METTL15: variants seen among roughly 807,000 people sequenced by gnomAD.
The protein encoded by METTL15 is methyltransferase 15, mitochondrial 12S rRNA N4-cytidine, also known as 12S rRNA N(4)-cytidine methyltransferase METTL15.
In METTL15, 34 loss-of-function variants were observed where a neutral mutation model predicts 38.3. That is an observed-to-expected ratio of 0.89 (90% CI 0.68 to 1.18). The LOEUF (loss-of-function observed/expected upper bound fraction) is 1.18, where lower values mean the gene tolerates loss of function less well. METTL15 is among the 50% of genes most tolerant of loss of function. The probability of loss-of-function intolerance (pLI) is 0.00; values close to 1 mark genes in which losing one functional copy is unlikely to be tolerated. For synonymous variants in METTL15, 162 were observed against 170.9 expected (o/e 0.95, Z 0.41); for missense variants, 438 against 498.4 (o/e 0.88, Z 1.15).
In METTL15 at chr11:28,291,050, C is replaced by CTTTT. The variant is rs1313497959; in HGVS notation, c.599+667_599+670dup. Among the ~76,000 whole-genome samples the CTTTT allele has an allele frequency of 3.7e-5, 5 of 133,648 alleles. No homozygotes were observed. The East Asian group carries it at 8.7e-4, about 23-fold the overall frequency. The allele number at this position is 133,648 out of a possible 152,430, so 87.7% of individuals were successfully genotyped here. A position where few individuals can be genotyped will look rare whatever the true frequency, so the allele number is the denominator to read the frequency against. On this transcript the variant is annotated intron_variant, in intron 5 of 6. Transcript: ENST00000407364. ...AGGAAAGTGTAGAAATAATTCTTTT[C>CTTTT]TTTTTTTTTTTTTTTTTGAGACAGA...
intron 4 of METTL15, among the ~76,000 whole-genome samples, chr11:28,246,707 T>C (rs1161345456): frequency 6.6e-6 from 1 of 152,086 alleles, no homozygotes; most frequent in Non-Finnish European, 1.5e-5. Flanking sequence ...TGGTATGGGA[T>C]ACCAAACAGT....
chr11:28,464,451 C>T (rs895502167), intron 6 of METTL15, among the ~76,000 whole-genome samples: 2 of 152,076 alleles, frequency 1.3e-5, no homozygotes, highest in African/African-American at 4.8e-5. Flanking sequence ...TGGTTGTGTT[C>T]CAGTAAAATG....
intron 6 of METTL15, among the ~76,000 whole-genome samples, chr11:28,442,803 C>T (rs1021217529): frequency 6.6e-6 from 1 of 152,126 alleles, no homozygotes; most frequent in Admixed American, 6.5e-5. Flanking sequence ...TAATATCCTG[C>T]TAATTCTTAC....
chr11:28,227,247 A>G (rs962100565), intron 4 of METTL15, among the ~76,000 whole-genome samples: 6 of 151,916 alleles, frequency 3.9e-5, no homozygotes, highest in Admixed American at 3.3e-4. Flanking sequence ...ATTAAGACCT[A>G]TAGTCTGTGA....
chr11:28,160,987 T>G (rs1476832554), intron 3 of METTL15, among the ~76,000 whole-genome samples: 1 of 151,656 alleles, frequency 6.6e-6, no homozygotes, highest in African/African-American at 2.4e-5. Flanking sequence ...CACTAAAATA[T>G]CAATATAATA....
chr11:28,444,947 G>A (rs1008328273), intron 6 of METTL15, among the ~76,000 whole-genome samples: 2 of 152,136 alleles, frequency 1.3e-5, no homozygotes, highest in Non-Finnish European at 2.9e-5. Context: ...CATCAGGTGG[G>A]GCTTGCTGTA....
intron 4 of METTL15, among the ~76,000 whole-genome samples, 190 bp from the exon 5 acceptor site, chr11:28,290,016 C>T (rs1309660316): frequency 6.6e-6 from 1 of 152,120 alleles, no homozygotes; most frequent in Non-Finnish European, 1.5e-5. Context: ...TACATTAAAC[C>T]AGCTCTGGTG....
Position 28,274,866 on chromosome 11 carries a change from C to T in METTL15, c.408-15340C>T, listed in dbSNP as rs184656438. Reference sequence around the variant, plus strand: ...CGAGTTAATGGGTGCAGCACACCAACATGACACATGTATATATATGTAACA... The same window carrying T: ...CGAGTTAATGGGTGCAGCACACCAATATGACACATGTATATATATGTAACA... On this transcript the variant is annotated intron_variant, in intron 4 of 6. Transcript: ENST00000407364. Among the ~76,000 whole-genome samples, 231 of 147,272 alleles carry T rather than the reference C, an allele frequency of 1.6e-3. 1 individual carries two copies. Among genetic ancestry groups the T allele is most frequent in the Non-Finnish European group, 2.4e-3 (159 of 65,902 alleles).
chr11:28,203,255 A>G (rs1468485557), intron 3 of METTL15, among the ~76,000 whole-genome samples: 3 of 152,112 alleles, frequency 2.0e-5, no homozygotes, highest in Non-Finnish European at 2.9e-5. Context: ...ATTGGAATCT[A>G]TAACCTGTCA....
chr11:28,299,231 T>C (rs1856836436), intron 6 of METTL15, among the ~76,000 whole-genome samples: 1 of 152,116 alleles, frequency 6.6e-6, no homozygotes, highest in Admixed American at 6.6e-5. Context: ...GTCCTATAAG[T>C]TCTGGTTATA....
chr11:28,229,793 G>A (rs538582841), intron 4 of METTL15, among the ~76,000 whole-genome samples: 2 of 152,098 alleles, frequency 1.3e-5, no homozygotes, highest in Admixed American at 6.6e-5. Context: ...CTGAGACAGC[G>A]TGTCACAATT....
At chr11:28,149,137 A>C (rs1849989361) in intron 3 of METTL15, among the ~76,000 whole-genome samples, 1 of 151,634 alleles carries the variant, frequency 6.6e-6, no homozygotes, top group Admixed American at 6.6e-5. Context: ...TATTTCAAGT[A>C]GGAGCTTGGT....
At chr11:28,227,066 G>T (rs1370801009) in intron 4 of METTL15, among the ~76,000 whole-genome samples, 1 of 151,720 alleles carries the variant, frequency 6.6e-6, no homozygotes, top group East Asian at 1.9e-4. Flanking sequence ...TATAACCTTC[G>T]CTCAGGAGAT....
rs2134025457 is a variant in METTL15 at position 28,310,942 on chromosome 11, TGGTGGTGGTGGTGGTGGTGGTGG to T, written c.778+14013_778+14035del. Among the ~76,000 whole-genome samples, 3 of 87,468 alleles carry T rather than the reference TGGTGGTGGTGGTGGTGGTGGTGG, an allele frequency of 3.4e-5. No homozygotes were observed. In the Admixed American group the frequency reaches 4.7e-4, roughly 14 times the overall value. 57.4% of individuals were successfully genotyped at this position (87,468 alleles called of 152,430 possible). ...GTGGTGGTGGTGGTGGTGGTGGTGG[TGGTGGTGGTGGTGGTGGTGGTGG>T]GTGTGTGTGTGTGTGTGTGTGTGTG... is the stretch of plus-strand genomic sequence containing the variant. On this transcript the variant is annotated intron_variant, in intron 6 of 6. Coordinates refer to ENST00000407364, the MANE Select transcript of METTL15 (RefSeq NM_001113528.2).
intron 4 of METTL15, among the ~76,000 whole-genome samples, chr11:28,227,356 A>G (rs1373128807): frequency 2.0e-5 from 3 of 151,878 alleles, no homozygotes; most frequent in Non-Finnish European, 4.4e-5. Context: ...ATGAATGAGT[A>G]GCGTATGATC....
intron 5 of METTL15, among the ~76,000 whole-genome samples, chr11:28,403,906 CT>C (rs951192659): frequency 3.3e-5 from 5 of 151,860 alleles, no homozygotes; most frequent in Non-Finnish European, 2.9e-5. Context: ...GCTTCTTATT[CT>C]TTTTTTAAAA....
chr11:28,383,126 C>T (rs1400641715), intron 5 of METTL15, among the ~76,000 whole-genome samples: 1 of 152,086 alleles, frequency 6.6e-6, no homozygotes, highest in Non-Finnish European at 1.5e-5. Flanking sequence ...CTACCTTTAT[C>T]TCTCAGGTAG....
chr11:28,492,223 C>T (rs907196703), intron 6 of METTL15, among the ~76,000 whole-genome samples: 1 of 152,156 alleles, frequency 6.6e-6, no homozygotes, highest in African/African-American at 2.4e-5. Flanking sequence ...GAGAACCACC[C>T]TCTCCATTCT....
intron 3 of METTL15, among the ~76,000 whole-genome samples, chr11:28,133,298 A>G (rs1489343405): frequency 1.3e-5 from 2 of 152,194 alleles, no homozygotes; most frequent in Non-Finnish European, 2.9e-5. Context: ...ATGGCAGGGA[A>G]TAGATGCCTT....
Sources: allele counts gnomAD v4.1 joint callset (sites outside exome capture counted in the v4.1 genomes callset), GRCh38; gene constraint gnomAD v4.1.1; transcripts MANE v1.5; gene names NCBI Gene and HGNC (gene_info 2026-07-23, HGNC 2026-07-21).